Variants in CFAP299 observed in about 807,000 individuals in gnomAD.
The protein encoded by CFAP299 is cilia- and flagella-associated protein 299.
CFAP299 carries 21 observed loss-of-function variants against 27.0 expected under a neutral mutation model. The observed-to-expected ratio is 0.78, with a 90% CI of 0.55 to 1.12. CFAP299 has a LOEUF of 1.12. Ranked by LOEUF, CFAP299 falls within the 50% of genes most tolerant of loss-of-function variation. The probability of loss-of-function intolerance (pLI) is 0.00; values close to 1 mark genes in which losing one functional copy is unlikely to be tolerated. For missense variants in CFAP299, 310 were observed against 276.6 expected (o/e 1.12, Z -0.86); for synonymous variants, 104 against 98.1 (o/e 1.06, Z -0.36).
intron 3 of CFAP299, among the ~76,000 whole-genome samples, chr4:80,752,943 T>C (rs965249809): frequency 2.6e-5 from 4 of 152,110 alleles, no homozygotes; most frequent in African/African-American, 7.2e-5. Flanking sequence ...GCTATTATTG[T>C]CATACATTTT....
intron 3 of CFAP299, among the ~76,000 whole-genome samples, chr4:80,618,575 G>A (rs1213128721): frequency 6.6e-6 from 1 of 151,946 alleles, no homozygotes; most frequent in Non-Finnish European, 1.5e-5. Flanking sequence ...AAACATCAAT[G>A]GATTCTTAGA....
At chr4:80,588,244 G>A (rs905330937) in intron 3 of CFAP299, among the ~76,000 whole-genome samples, 1 of 150,968 alleles carries the variant, frequency 6.6e-6, no homozygotes, top group African/African-American at 2.5e-5. Flanking sequence ...TCCTTTCAAG[G>A]AGGGTACAGG....
chr4:80,585,015 T>C (rs1736360275), intron 3 of CFAP299, among the ~76,000 whole-genome samples: 1 of 152,042 alleles, frequency 6.6e-6, no homozygotes, highest in African/African-American at 2.4e-5. Context: ...TAGAGGATGA[T>C]ATAATCAGAT....
chr4:80,892,527 G>T (rs1734360626), intron 4 of CFAP299, among the ~76,000 whole-genome samples: 1 of 152,088 alleles, frequency 6.6e-6, no homozygotes, highest in Admixed American at 6.6e-5. Flanking sequence ...AAGTTATAAA[G>T]TTTCTGCACA....
intron 2 of CFAP299, among the ~76,000 whole-genome samples, chr4:80,371,319 G>C (rs1289288607): frequency 6.6e-6 from 1 of 152,148 alleles, no homozygotes; most frequent in East Asian, 1.9e-4. Context: ...CTGCCACGAA[G>C]GTCTCTGGAA....
rs532130214 is a variant in CFAP299, at chr4:80,951,079, T to G, written c.606+6140T>G. ...AAACTTCATTGGTGTGATTTTAGAA[T>G]TCAAAAGAAAATCAATTATATTAAA... On this transcript the variant is annotated intron_variant, in intron 5 of 5. Coordinates refer to ENST00000358105, the MANE Select transcript of CFAP299 (RefSeq NM_152770.3). 3.9e-5 allele frequency among the ~76,000 whole-genome samples: 6 copies of G among 152,300 alleles called. 1 individual carries two copies. The highest frequency in any genetic ancestry group is 3.9e-4 in the Admixed American group (6 of 15,298).
intron 4 of CFAP299, among the ~76,000 whole-genome samples, chr4:80,925,199 A>C (rs1468659239): frequency 6.6e-6 from 1 of 151,780 alleles, no homozygotes; most frequent in Non-Finnish European, 1.5e-5. Flanking sequence ...GAAGCTTTCT[A>C]ATTTTCATAA....
chr4:80,714,163 T>C (rs1722340920), intron 3 of CFAP299, among the ~76,000 whole-genome samples: 1 of 152,118 alleles, frequency 6.6e-6, no homozygotes, highest in Non-Finnish European at 1.5e-5. Context: ...AAGCAATGTT[T>C]GCTAGTGACT....
chr4:80,782,253 T>G (rs1726922491), intron 3 of CFAP299, among the ~76,000 whole-genome samples: 1 of 151,920 alleles, frequency 6.6e-6, no homozygotes, highest in Admixed American at 6.6e-5. Context: ...TCCACATCCC[T>G]CTTGCTGGAA....
Position 80,583,163 on chromosome 4 carries a change from A to C in CFAP299, c.313A>C (p.Asn105His), listed in dbSNP as rs1230533267. ...LTALAMREED[N>H]RSGKLSSVIF... The stretch of plus-strand genomic sequence containing the variant: ...GGCCCTGGCAATGAGAGAAGAAGAC[A>C]ATCGCAGTGGAAAACTGAGTGTAAG... The change falls in exon 3 of 6, where the codon AAT becomes CAT. Residue 105 changes from asparagine to histidine, a missense_variant. By Grantham distance (68) the Asn-to-His change is moderately conservative (BLOSUM62 1). Transcript: ENST00000358105. 1 of 1,605,054 alleles carries C rather than the reference A, an allele frequency of 6.2e-7. No homozygotes were observed. Among genetic ancestry groups the C allele is most frequent in the Admixed American group, 1.7e-5 (1 of 59,536 alleles).
intron 3 of CFAP299, among the ~76,000 whole-genome samples, chr4:80,636,015 G>A (rs1327463096): frequency 6.6e-6 from 1 of 152,088 alleles, no homozygotes. Flanking sequence ...ACATTGAAAA[G>A]CAAATTTTAG....
At chr4:80,621,446 T>C (rs1315836879) in intron 3 of CFAP299, among the ~76,000 whole-genome samples, 2 of 152,166 alleles carry the variant, frequency 1.3e-5, no homozygotes, top group African/African-American at 4.8e-5. Context: ...CTTTTTCATA[T>C]GACAGTTTCT....
At chr4:80,816,682 G>C (rs1729436750) in intron 3 of CFAP299, among the ~76,000 whole-genome samples, 1 of 152,014 alleles carries the variant, frequency 6.6e-6, no homozygotes, top group South Asian at 2.1e-4. Context: ...TCAGACTCTG[G>C]ACCCTTGATG....
At chr4:80,848,906 G>C (rs1731333331) in intron 3 of CFAP299, among the ~76,000 whole-genome samples, 1 of 152,186 alleles carries the variant, frequency 6.6e-6, no homozygotes. Flanking sequence ...AGTAGTGAGT[G>C]CATGTGAAGG....
chr4:80,359,158 C>G (rs1409665157), intron 1 of CFAP299, among the ~76,000 whole-genome samples: 1 of 152,092 alleles, frequency 6.6e-6, no homozygotes, highest in African/African-American at 2.4e-5. Flanking sequence ...CCAATCTTTT[C>G]TGGCTTGTAG....
At chr4:80,388,177 AG>A (rs1725124250) in intron 2 of CFAP299, 3 of 682,806 alleles carry the variant, frequency 4.4e-6, no homozygotes, top group Non-Finnish European at 8.1e-6. Flanking sequence ...GTGGTGGAGG[AG>A]GGGGTGAAGG....
chr4:80,921,329 T>A (rs1443932855), intron 4 of CFAP299, among the ~76,000 whole-genome samples: 1 of 152,066 alleles, frequency 6.6e-6, no homozygotes, highest in African/African-American at 2.4e-5. Flanking sequence ...ATATGTTCAG[T>A]GTGTTTTTCA....
intron 2 of CFAP299, among the ~76,000 whole-genome samples, chr4:80,415,879 A>C (rs567940321): frequency 2.6e-5 from 4 of 152,334 alleles, no homozygotes; most frequent in African/African-American, 9.6e-5. Flanking sequence ...ACATACATAC[A>C]TACATGGGGT....
intron 2 of CFAP299, among the ~76,000 whole-genome samples, chr4:80,399,994 A>C (rs1726052335): frequency 6.6e-6 from 1 of 152,212 alleles, no homozygotes; most frequent in African/African-American, 2.4e-5. Flanking sequence ...TTATAGAAAT[A>C]GTAGACTTTT....
Sources: allele counts gnomAD v4.1 joint callset (sites outside exome capture counted in the v4.1 genomes callset), GRCh38; gene constraint gnomAD v4.1.1; transcripts MANE v1.5; gene names NCBI Gene and HGNC (gene_info 2026-07-23, HGNC 2026-07-21).